EPHA3: variants seen among roughly 807,000 people sequenced by gnomAD.
EPHA3 encodes EPH receptor A3.
EPHA3 carries 42 observed loss-of-function variants against 107.1 expected under a neutral mutation model. The observed-to-expected ratio is 0.39, with a 90% CI of 0.31 to 0.51. The LOEUF is 0.51. EPHA3 is among the 20% of genes least tolerant of loss of function. EPHA3 has a pLI of 0.78. For synonymous variants in EPHA3, 461 were observed against 424.8 expected (o/e 1.09, Z -1.05); for missense variants, 1,183 against 1,211.2 (o/e 0.98, Z 0.35).
At chr3:89,399,869 T>C (rs1319577773) in intron 7 of EPHA3, 4 of 1,074,632 alleles carry the variant, frequency 3.7e-6, no homozygotes, top group Non-Finnish European at 4.5e-6. Context: ...TCCATGAGAA[T>C]CTTAATTTTG....
intron 3 of EPHA3, among the ~76,000 whole-genome samples, chr3:89,219,709 TG>T (rs1348314818): frequency 0.067 from 1,067 of 16,020 alleles, 234 homozygotes; most frequent in African/African-American, 0.11. Context: ...TTTTGTTTTT[TG>T]TTTTTTTTTT....
chr3:89,455,211 A>T (rs1048357030), intron 15 of EPHA3, among the ~76,000 whole-genome samples: 4 of 152,190 alleles, frequency 2.6e-5, no homozygotes, highest in Non-Finnish European at 5.9e-5. Context: ...GGAAGGAAAT[A>T]AGTAAATGGC....
In EPHA3 at chr3:89,429,177, A is replaced by T. The variant is rs1240962804; in HGVS notation, c.2136+10A>T. Reference sequence around the variant, plus strand: ...GGATAGTTTCCTACGTGTAAGTAAGATGCACACACATACATATATATGAAT... The same window carrying T: ...GGATAGTTTCCTACGTGTAAGTAAGTTGCACACACATACATATATATGAAT... On this transcript the variant is annotated intron_variant, in intron 12 of 16. Transcript: ENST00000336596. 6.3e-7 allele frequency: 1 copy of T among 1,596,532 alleles called. No homozygotes were observed. The highest frequency in any genetic ancestry group is 2.2e-5 in the East Asian group (1 of 44,614).
chr3:89,356,786 G>A (rs1383736930), intron 5 of EPHA3, among the ~76,000 whole-genome samples: 2 of 150,848 alleles, frequency 1.3e-5, no homozygotes, highest in Non-Finnish European at 3.0e-5. Context: ...ATATCTCTTA[G>A]TTGGGCTAGA....
intron 13 of EPHA3, among the ~76,000 whole-genome samples, chr3:89,442,154 G>A (rs1324492199): frequency 1.3e-5 from 2 of 151,494 alleles, no homozygotes; most frequent in Non-Finnish European, 2.9e-5. Flanking sequence ...AAAAAGAAAA[G>A]GAAGGAAGAT....
At chr3:89,278,012 T>A (rs1240634864) in intron 3 of EPHA3, among the ~76,000 whole-genome samples, 2 of 152,172 alleles carry the variant, frequency 1.3e-5, no homozygotes, top group Non-Finnish European at 2.9e-5. Context: ...TTGATTTTTT[T>A]TGACAAAGAT....
intron 3 of EPHA3, among the ~76,000 whole-genome samples, chr3:89,292,489 G>T (rs1442884335): frequency 6.6e-6 from 1 of 152,102 alleles, no homozygotes; most frequent in African/African-American, 2.4e-5. Flanking sequence ...CCTTGCGGAT[G>T]ACTATAATTT....
chr3:89,209,755 G>C, intron 2 of EPHA3, 105 bp from the exon 3 acceptor site: 1 of 922,794 alleles, frequency 1.1e-6, no homozygotes, highest in East Asian at 2.8e-5. Context: ...TGTTTTTAAT[G>C]AGTAAATGAT....
rs2107508047 is a variant in EPHA3, at chr3:89,399,341, C to T, written c.1455C>T (p.Thr485=). ...AGCAGGAACAAGAAACAAGTTATAC[C>T]ATTCTGAGGGCAAGAGGCACAAATG... ...YEKQEQETSY[T]ILRARGTNVT... The change falls in exon 7 of 17, where the codon ACC becomes ACT. Residue 485 remains threonine, a synonymous_variant. Transcript: ENST00000336596. 6.2e-7 allele frequency: 1 copy of T among 1,608,190 alleles called. No individual in the cohort carries two copies.
intron 3 of EPHA3, among the ~76,000 whole-genome samples, chr3:89,244,568 A>C (rs1270650857): frequency 6.6e-6 from 1 of 152,136 alleles, no homozygotes; most frequent in Non-Finnish European, 1.5e-5. Context: ...GTATGAATTT[A>C]GTAATTATAA....
intron 5 of EPHA3, among the ~76,000 whole-genome samples, chr3:89,373,869 C>T (rs891995722): frequency 1.6e-4 from 25 of 151,696 alleles, no homozygotes; most frequent in African/African-American, 2.7e-4. Flanking sequence ...AGGATAAGGT[C>T]GATGTCATTA....
At chr3:89,417,424 T>C (rs1709270850) in intron 10 of EPHA3, among the ~76,000 whole-genome samples, 1 of 151,524 alleles carries the variant, frequency 6.6e-6, no homozygotes, top group Non-Finnish European at 1.5e-5. Flanking sequence ...CATGTTGATG[T>C]ATGATAATGG....
At chr3:89,331,011 A>C (rs1157653324) in intron 3 of EPHA3, among the ~76,000 whole-genome samples, 1 of 152,242 alleles carries the variant, frequency 6.6e-6, no homozygotes, top group Non-Finnish European at 1.5e-5. Flanking sequence ...GAACAAATAA[A>C]AACTGTGGTG....
chr3:89,153,372 A>G (rs1704728877), intron 2 of EPHA3, among the ~76,000 whole-genome samples: 1 of 152,044 alleles, frequency 6.6e-6, no homozygotes, highest in East Asian at 1.9e-4. Context: ...GTAGATTCAT[A>G]TATCCAACTT....
intron 2 of EPHA3, among the ~76,000 whole-genome samples, chr3:89,134,405 C>T (rs1351845530): frequency 6.7e-6 from 1 of 148,524 alleles, no homozygotes; most frequent in African/African-American, 2.5e-5. Flanking sequence ...GTGTGATGTC[C>T]CCCTTCCTGT....
intron 3 of EPHA3, among the ~76,000 whole-genome samples, chr3:89,317,840 C>G (rs1231056399): frequency 6.6e-6 from 1 of 151,682 alleles, no homozygotes; most frequent in African/African-American, 2.4e-5. Flanking sequence ...TGAGGTAATG[C>G]ATTCTTTTGT....
At chr3:89,450,131 C>G (rs1709956678) in intron 14 of EPHA3, 46 bp from the exon 15 acceptor site, 1 of 1,490,812 alleles carries the variant, frequency 6.7e-7, no homozygotes, top group Non-Finnish European at 9.0e-7. Context: ...CTAAGTGACA[C>G]TTCCTGAAAA....
At chr3:89,136,673 A>G (rs1261367573) in intron 2 of EPHA3, among the ~76,000 whole-genome samples, 1 of 151,764 alleles carries the variant, frequency 6.6e-6, no homozygotes. Context: ...GGAGACTTGA[A>G]ACATAAGTGC....
chr3:89,404,453 A>G (rs1709018598), intron 7 of EPHA3, among the ~76,000 whole-genome samples: 1 of 152,220 alleles, frequency 6.6e-6, no homozygotes, highest in Non-Finnish European at 1.5e-5. Flanking sequence ...TGAACTCTGA[A>G]TCACTCTTTT....
Sources: allele counts gnomAD v4.1 joint callset (sites outside exome capture counted in the v4.1 genomes callset), GRCh38; gene constraint gnomAD v4.1.1; transcripts MANE v1.5; gene names NCBI Gene and HGNC (gene_info 2026-07-23, HGNC 2026-07-21).